The following SHANK2 variants were observed in gnomAD, a reference collection of about 807,000 sequenced individuals.
SHANK2 encodes the protein SH3 and multiple ankyrin repeat domains 2.
Under a neutral mutation model 133.7 loss-of-function variants are expected in SHANK2, and 43 were observed. The ratio of observed to expected loss-of-function variants is 0.32; its 90% CI spans 0.25 to 0.41. SHANK2 has a LOEUF of 0.41. Among genes scored for constraint, SHANK2 ranks in the 10% least tolerant of loss-of-function variants. SHANK2 has a pLI of 1.00. For synonymous variants in SHANK2, 1,017 were observed against 952.8 expected (o/e 1.07, Z -1.24); for missense variants, 1,994 against 2,235.8 (o/e 0.89, Z 2.18).
chr11:70,827,637 T>TG (rs1243962810), intron 11 of SHANK2, among the ~76,000 whole-genome samples: 69 of 136,110 alleles, frequency 5.1e-4, no homozygotes, highest in African/African-American at 1.9e-3. Context: ...TGTGTGTGTG[T>TG]GTTTTTTTTT....
intron 14 of SHANK2, among the ~76,000 whole-genome samples, chr11:70,712,111 C>A (rs1038771400): frequency 1.3e-5 from 2 of 151,882 alleles, no homozygotes; most frequent in Non-Finnish European, 2.9e-5. Flanking sequence ...GATCCACTTG[C>A]TTCCCCCGCC....
intron 11 of SHANK2, among the ~76,000 whole-genome samples, chr11:70,845,198 CAAAAAAAAA>C (rs782471301): frequency 1.9e-5 from 1 of 51,694 alleles, no homozygotes; most frequent in Admixed American, 2.1e-4. Context: ...GACTCTGTCT[CAAAAAAAAA>C]AAAAAAAAAA....
At chr11:70,575,452 G>A (rs1670902617) in intron 17 of SHANK2, among the ~76,000 whole-genome samples, 1 of 151,054 alleles carries the variant, frequency 6.6e-6, no homozygotes, top group South Asian at 2.1e-4. Flanking sequence ...CCGGGAGGCA[G>A]AGGTTGCAGT....
chr11:70,713,787 C>T (rs1945849485), intron 14 of SHANK2, among the ~76,000 whole-genome samples: 2 of 152,346 alleles, frequency 1.3e-5, no homozygotes, highest in East Asian at 3.9e-4. Context: ...GTGTGCCACA[C>T]ACACCATTTA....
chr11:70,833,617 A>C (rs1948763894), intron 11 of SHANK2, among the ~76,000 whole-genome samples: 1 of 152,252 alleles, frequency 6.6e-6, no homozygotes, highest in Admixed American at 6.5e-5. Flanking sequence ...AAGCAAGCAC[A>C]GTGATGATGG....
chr11:71,210,250 A>ATATATTTATT (rs1353494730), intron 2 of SHANK2, among the ~76,000 whole-genome samples: 9 of 85,464 alleles, frequency 1.1e-4, no homozygotes, highest in African/African-American at 2.6e-4. Flanking sequence ...ATATATATAT[A>ATATATTTATT]TATTTATTTA....
intron 12 of SHANK2, among the ~76,000 whole-genome samples, chr11:70,818,782 A>G (rs576130933): frequency 1.2e-4 from 18 of 152,150 alleles, no homozygotes; most frequent in African/African-American, 4.3e-4. Flanking sequence ...TCAGGCCTCG[A>G]CCCTGTCTAG....
chr11:70,798,550 C>T lies in SHANK2; in HGVS notation c.1670G>A (p.Ser557Asn), dbSNP rs141184740. The change falls in exon 14 of 26, where the codon AGC (serine) becomes AAC (asparagine). Residue 557 changes from serine (S) to asparagine (N), a missense_variant. By Grantham distance (46) the Ser-to-Asn change is conservative. Around this residue, in one of 5 missense-constraint regions of SHANK2, gnomAD observed 653 missense variants for 563.4 expected, o/e 1.16. Transcript: ENST00000601538. Reference sequence around the variant, plus strand: ...TTCCCAGAAGCCCCCTTCACCGATGCTCAGAACTAGAGACGACAAAAAGGG... The same window carrying T: ...TTCCCAGAAGCCCCCTTCACCGATGTTCAGAACTAGAGACGACAAAAAGGG... ...LHRGDRVKVLSIGEGGFWEGS... is the reference protein window; with the variant it reads ...LHRGDRVKVLNIGEGGFWEGS... 2,095 of 718,654 alleles carry T rather than the reference C, an allele frequency of 2.9e-3. 9 individuals are homozygous for T. Among genetic ancestry groups the T allele is most frequent in the Middle Eastern group, 9.1e-3 (40 of 4,372 alleles). The allele number at this position is 718,654 out of a possible 1,614,324, so 44.5% of individuals were successfully genotyped here.
At chr11:70,904,263 C>T (rs189063824) in intron 10 of SHANK2, among the ~76,000 whole-genome samples, 114 of 152,280 alleles carry the variant, frequency 7.5e-4, no homozygotes, top group Non-Finnish European at 1.4e-3. Context: ...AGGGCCCGAG[C>T]GTGTTCAGGA....
intron 14 of SHANK2, among the ~76,000 whole-genome samples, chr11:70,738,287 G>A (rs1357769137): frequency 2.0e-5 from 3 of 152,266 alleles, no homozygotes; most frequent in Non-Finnish European, 4.4e-5. Context: ...CTGGCAGAAA[G>A]CCGGACTCCC....
intron 12 of SHANK2, among the ~76,000 whole-genome samples, chr11:70,810,240 C>G (rs889990120): frequency 6.6e-6 from 1 of 152,240 alleles, no homozygotes; most frequent in African/African-American, 2.4e-5. Flanking sequence ...AACAGCAGCG[C>G]TGGGCCAGGC....
At chr11:70,827,354 G>C (rs1225084001) in intron 11 of SHANK2, among the ~76,000 whole-genome samples, 1 of 151,032 alleles carries the variant, frequency 6.6e-6, no homozygotes, top group Non-Finnish European at 1.5e-5. Context: ...TGATAAAAGC[G>C]AGCTCTTCAG....
At chr11:71,195,380 A>C (rs183314126) in intron 2 of SHANK2, among the ~76,000 whole-genome samples, 1 of 151,958 alleles carries the variant, frequency 6.6e-6, no homozygotes, top group Non-Finnish European at 1.5e-5. Context: ...TGACAGAGCG[A>C]GACTCCGTCT....
At chr11:71,076,037 A>T (rs1951213800) in intron 8 of SHANK2, among the ~76,000 whole-genome samples, 2 of 152,200 alleles carry the variant, frequency 1.3e-5, no homozygotes, top group African/African-American at 4.8e-5. Context: ...ACGTGGGACA[A>T]AGAACACCAC....
intron 14 of SHANK2, among the ~76,000 whole-genome samples, chr11:70,786,132 C>T (rs571917011): frequency 2.0e-5 from 3 of 152,278 alleles, no homozygotes; most frequent in East Asian, 3.9e-4. Flanking sequence ...ACAGCTGGCA[C>T]GGGCAGCACA....
chr11:70,874,702 C>T (rs1011642383), intron 11 of SHANK2, among the ~76,000 whole-genome samples: 29 of 146,490 alleles, frequency 2.0e-4, no homozygotes, highest in Non-Finnish European at 3.9e-4. Flanking sequence ...AAAAAAATTC[C>T]ACCTTGTAGT....
At chr11:70,610,193 C>T (rs1044105114) in intron 17 of SHANK2, among the ~76,000 whole-genome samples, 10 of 151,960 alleles carry the variant, frequency 6.6e-5, no homozygotes, top group Non-Finnish European at 1.2e-4. Flanking sequence ...GCACATTTTA[C>T]ATTACATGTA....
chr11:71,134,143 AGGTG>A (rs1375439101), intron 3 of SHANK2, among the ~76,000 whole-genome samples: 1 of 151,868 alleles, frequency 6.6e-6, no homozygotes, highest in Non-Finnish European at 1.5e-5. Context: ...GACACAGCAC[AGGTG>A]GGAGGGGAGG....
chr11:71,079,500 C>T (rs1373017520), intron 8 of SHANK2, among the ~76,000 whole-genome samples: 1 of 152,096 alleles, frequency 6.6e-6, no homozygotes, highest in African/African-American at 2.4e-5. Context: ...GTGGCTCATG[C>T]CTGTAATCCC....
Sources: gnomAD v4.1 joint callset for allele counts (sites outside exome capture counted in the v4.1 genomes callset) on GRCh38, gnomAD v4.1.1 for gene constraint, gnomAD v4.1.1 regional missense constraint, MANE v1.5 for transcripts, NCBI Gene and HGNC (gene_info 2026-07-23, HGNC 2026-07-21) for gene names.